The following NLGN1 variants were observed in gnomAD, a reference collection of about 807,000 sequenced individuals.
The protein encoded by NLGN1 is neuroligin 1.
In NLGN1, 12 loss-of-function variants were observed where a neutral mutation model predicts 65.5. The observed-to-expected ratio is 0.18, with a 90% CI of 0.12 to 0.30. The LOEUF is 0.30. NLGN1 is among the 10% of genes least tolerant of loss of function. NLGN1 has a pLI of 1.00. For missense variants in NLGN1, 750 were observed against 1,007.1 expected (o/e 0.74, Z 3.46); for synonymous variants, 350 against 359.5 (o/e 0.97, Z 0.30).
At chr3:173,428,332 G>A (rs1340771930) in intron 1 of NLGN1, among the ~76,000 whole-genome samples, 1 of 151,374 alleles carries the variant, frequency 6.6e-6, no homozygotes, top group East Asian at 1.9e-4. Context: ...CTGATTTTCT[G>A]GTTGTATTGT....
intron 2 of NLGN1, among the ~76,000 whole-genome samples, chr3:173,580,001 C>A (rs1006841835): frequency 6.6e-6 from 1 of 151,860 alleles, no homozygotes; most frequent in Non-Finnish European, 1.5e-5. Flanking sequence ...TGAAATATTT[C>A]GGTTATTTCT....
intron 2 of NLGN1, among the ~76,000 whole-genome samples, chr3:173,519,340 G>C (rs573794888): frequency 6.6e-6 from 1 of 152,320 alleles, no homozygotes; most frequent in South Asian, 2.1e-4. Context: ...AGGGAGCTGT[G>C]ATAAGAGGGC....
At chr3:173,653,080 T>A (rs1577753838) in intron 3 of NLGN1, among the ~76,000 whole-genome samples, 3 of 152,222 alleles carry the variant, frequency 2.0e-5, no homozygotes, top group Non-Finnish European at 2.9e-5. Flanking sequence ...GATTTTTGTA[T>A]ATCTATTTTG....
intron 3 of NLGN1, among the ~76,000 whole-genome samples, chr3:173,613,839 G>GA (rs1214184590): frequency 6.6e-6 from 1 of 151,916 alleles, no homozygotes; most frequent in Admixed American, 6.6e-5. Flanking sequence ...ATGACGAAAA[G>GA]AAAATAAAAG....
chr3:173,943,943 A>G (rs1354014836), intron 4 of NLGN1, among the ~76,000 whole-genome samples: 1 of 152,200 alleles, frequency 6.6e-6, no homozygotes, highest in Non-Finnish European at 1.5e-5. Flanking sequence ...TTAGTAACAA[A>G]TATGTTTGCT....
In NLGN1 at chr3:173,450,182, T is replaced by A. The variant is rs13060597; in HGVS notation, c.-321+15104T>A. On this transcript the variant is annotated intron_variant, in intron 2 of 6. Transcript: ENST00000457714. ...CTGATGGTCTTTACAATTTGGCATGTTTTTGCAGTGGCTGGTACTGGTTGT... is the reference window on the plus strand; with the variant it reads ...CTGATGGTCTTTACAATTTGGCATGATTTTGCAGTGGCTGGTACTGGTTGT... Among the ~76,000 whole-genome samples the A allele has an allele frequency of 3.9e-5, 6 of 152,114 alleles. No individual in the cohort carries two copies. In the South Asian group the frequency reaches 1.2e-3, roughly 32 times the overall value.
intron 4 of NLGN1, among the ~76,000 whole-genome samples, chr3:173,831,116 A>T (rs948465321): frequency 5.9e-5 from 9 of 152,114 alleles, no homozygotes; most frequent in African/African-American, 1.9e-4. Flanking sequence ...AAATGACAGG[A>T]TGTCATTCTA....
chr3:174,195,081 G>A (rs976810996), intron 4 of NLGN1, among the ~76,000 whole-genome samples: 45 of 151,964 alleles, frequency 3.0e-4, no homozygotes, highest in African/African-American at 6.3e-4. Context: ...GGCTGGTCTC[G>A]AACTCCCGAC....
At chr3:173,408,303 G>A (rs372255396) in intron 1 of NLGN1, among the ~76,000 whole-genome samples, 2 of 152,164 alleles carry the variant, frequency 1.3e-5, no homozygotes, top group African/African-American at 4.8e-5. Context: ...TTAAGGGAGA[G>A]AGAATCTAGT....
At chr3:173,750,310 A>G (rs1368898200) in intron 3 of NLGN1, among the ~76,000 whole-genome samples, 1 of 152,088 alleles carries the variant, frequency 6.6e-6, no homozygotes. Flanking sequence ...ATTTATTACC[A>G]TAGCAACACT....
chr3:173,514,935 A>T (rs1407211332), intron 2 of NLGN1, among the ~76,000 whole-genome samples: 1 of 152,146 alleles, frequency 6.6e-6, no homozygotes, highest in Non-Finnish European at 1.5e-5. Context: ...ATTGTTTTAC[A>T]TTTGGCTATT....
chr3:173,525,120 G>A (rs1735410040), intron 2 of NLGN1, among the ~76,000 whole-genome samples: 1 of 152,126 alleles, frequency 6.6e-6, no homozygotes, highest in Non-Finnish European at 1.5e-5. Flanking sequence ...TTTAGTTAGA[G>A]AGGAATTATT....
intron 2 of NLGN1, among the ~76,000 whole-genome samples, chr3:173,503,387 C>T (rs533986992): frequency 2.0e-5 from 3 of 152,030 alleles, no homozygotes; most frequent in African/African-American, 4.8e-5. Flanking sequence ...TTGCATTTTC[C>T]GTCATTATAA....
chr3:174,190,374 A>T (rs1297437810), intron 4 of NLGN1, among the ~76,000 whole-genome samples: 1 of 152,038 alleles, frequency 6.6e-6, no homozygotes, highest in East Asian at 1.9e-4. Flanking sequence ...AAATAAAAAC[A>T]TGCAATTTTT....
intron 4 of NLGN1, among the ~76,000 whole-genome samples, chr3:173,941,979 T>C (rs1044266660): frequency 6.6e-5 from 10 of 151,882 alleles, no homozygotes; most frequent in African/African-American, 1.9e-4. Flanking sequence ...CACTGGCTGT[T>C]TACTCCTAGT....
At chr3:174,218,010 T>C (rs1330483226) in intron 4 of NLGN1, among the ~76,000 whole-genome samples, 7 of 152,092 alleles carry the variant, frequency 4.6e-5, no homozygotes, top group Non-Finnish European at 1.5e-5. Flanking sequence ...AGTCAATGAA[T>C]AATTTCCTTG....
chr3:173,465,441 CT>C (rs1280604554), intron 2 of NLGN1, among the ~76,000 whole-genome samples: 2 of 152,040 alleles, frequency 1.3e-5, no homozygotes, highest in Non-Finnish European at 2.9e-5. Context: ...ACATCACCCC[CT>C]AGCACACAAA....
chr3:173,898,021 G>A (rs1410399603), intron 4 of NLGN1, among the ~76,000 whole-genome samples: 1 of 151,704 alleles, frequency 6.6e-6, no homozygotes, highest in Non-Finnish European at 1.5e-5. Flanking sequence ...GAATTATCAT[G>A]ATTCAATAGC....
intron 3 of NLGN1, among the ~76,000 whole-genome samples, chr3:173,754,456 T>C (rs1306008167): frequency 1.3e-5 from 2 of 152,160 alleles, no homozygotes; most frequent in Non-Finnish European, 2.9e-5. Flanking sequence ...CTGTTTCATA[T>C]TTTTTCTGTA....
Sources: allele counts gnomAD v4.1 joint callset (sites outside exome capture counted in the v4.1 genomes callset), GRCh38; gene constraint gnomAD v4.1.1; transcripts MANE v1.5; gene names NCBI Gene and HGNC (gene_info 2026-07-23, HGNC 2026-07-21).